SLC16A6: variants seen among roughly 807,000 people sequenced by gnomAD.
SLC16A6 encodes the protein monocarboxylate transporter 7.
Under a neutral mutation model 33.8 loss-of-function variants are expected in SLC16A6, and 15 were observed. The ratio of observed to expected loss-of-function variants is 0.44; its 90% confidence interval spans 0.30 to 0.68. The LOEUF is 0.68. Among genes scored for constraint, SLC16A6 ranks in the 30% least tolerant of loss-of-function variants. The pLI, the probability that SLC16A6 is intolerant of heterozygous loss-of-function variation, is 0.10. For synonymous variants in SLC16A6, 219 were observed against 248.4 expected (o/e 0.88, Z 1.11); for missense variants, 451 against 661.5 (o/e 0.68, Z 3.49).
At chr17:68,273,808 A>T in intron 3 of SLC16A6, 119 bp downstream of exon 3, 1 of 1,224,358 alleles carries the variant, frequency 8.2e-7, no homozygotes, top group Non-Finnish European at 1.1e-6. Flanking sequence ...AGACACTGTT[A>T]ATGTTAAAGA....
At chr17:68,274,622 A>G (rs1183241334) in intron 2 of SLC16A6, 1 of 152,160 alleles carries the variant, frequency 6.6e-6, no homozygotes, top group Non-Finnish European at 1.5e-5. Context: ...GATGACTCTG[A>G]CTCACCATGA....
In SLC16A6 at chr17:68,278,274, G is replaced by T; in HGVS notation, c.47C>A (p.Thr16Asn). 6.2e-7 allele frequency: 1 copy of T among 1,614,174 alleles called. No homozygotes were observed. The highest frequency in any genetic ancestry group is 2.2e-5 in the East Asian group (1 of 44,890). Residue 16 changes from threonine to asparagine, a missense_variant, in exon 2 of 6, where the codon ACT (threonine) becomes AAT (asparagine). By Grantham distance (65) the Thr-to-Asn change is moderately conservative (BLOSUM62 0). Around this residue, in one of 2 missense-constraint regions of SLC16A6, gnomAD observed 405 missense variants for 510.7 expected, o/e 0.79. Transcript: ENST00000580666. ...GCCCCATCCTCCATCAGGCACTTCA[G>T]TATACACATTGGCTTTGGAACAAAG... ...LKLCSKANVY[T>N]EVPDGGWGWA...
At chr17:68,279,409 C>T (rs540980769) in intron 1 of SLC16A6, among the ~76,000 whole-genome samples, 93 of 152,180 alleles carry the variant, frequency 6.1e-4, no homozygotes, top group African/African-American at 2.0e-3. Flanking sequence ...GACACAATGT[C>T]ACTATAAATC....
chr17:68,269,564 G>GTCCTAGCA (rs1230755906), intron 5 of SLC16A6, among the ~76,000 whole-genome samples: 3 of 144,794 alleles, frequency 2.1e-5, no homozygotes, highest in Admixed American at 7.1e-5. Flanking sequence ...GGCTAAGCCT[G>GTCCTAGCA]TCCTAGCAGA....
rs879951885 is a variant in SLC16A6 at position 68,273,210 on chromosome 17, AT to A, written c.377-444del. On this transcript the variant is annotated intron_variant, in intron 3 of 5. Transcript: ENST00000580666. ...ATGGCCTCCTTTTATTGTTCATTTC[AT>A]TTTTTTTTTTTTAAACAGACAGGGT... Among the ~76,000 whole-genome samples the A allele has an allele frequency of 9.5e-3, 1,366 of 143,852 alleles. 19 individuals carry two copies. Among genetic ancestry groups the A allele is most frequent in the African/African-American group, 0.029 (1,158 of 39,414 alleles). The allele number at this position is 143,852 out of a possible 152,430, so 94.4% of individuals were successfully genotyped here. A position where few individuals can be genotyped will look rare whatever the true frequency, so the allele number is the denominator to read the frequency against.
chr17:68,280,838 G>A (rs2075671242), intron 1 of SLC16A6, among the ~76,000 whole-genome samples: 1 of 152,158 alleles, frequency 6.6e-6, no homozygotes, highest in African/African-American at 2.4e-5. Flanking sequence ...CATATCAACA[G>A]AGTGAGGCCA....
At chr17:68,276,181 C>T (rs1484360253) in intron 2 of SLC16A6, among the ~76,000 whole-genome samples, 1 of 151,354 alleles carries the variant, frequency 6.6e-6, no homozygotes, top group Non-Finnish European at 1.5e-5. Context: ...GCAACCTCTG[C>T]CTCCCAGGAT....
chr17:68,289,165 G>A lies in SLC16A6; in HGVS notation c.-8+1921C>T, dbSNP rs186481845. ...GTTTGAGACCAACCCGGGCAACATAGTGAGGCTGTGTCTCTACAAAAAAAT... is the reference window on the plus strand; with the variant it reads ...GTTTGAGACCAACCCGGGCAACATAATGAGGCTGTGTCTCTACAAAAAAAT... On this transcript the variant is annotated intron_variant, in intron 1 of 5. Coordinates refer to ENST00000580666, the MANE Select transcript of SLC16A6 (RefSeq NM_004694.5). Among the ~76,000 whole-genome samples the A allele has an allele frequency of 9.6e-4, 146 of 152,258 alleles. 1 individual carries two copies. In the Middle Eastern group the frequency reaches 0.01, roughly 11 times the overall value.
intron 2 of SLC16A6, among the ~76,000 whole-genome samples, chr17:68,276,451 A>AT (rs1299364205): frequency 3.3e-5 from 5 of 150,676 alleles, no homozygotes; most frequent in East Asian, 2.0e-4. Flanking sequence ...AACTTTCTTT[A>AT]TTTTTTTTAT....
chr17:68,270,975 C>G lies in SLC16A6; in HGVS notation c.1185G>C (p.Met395Ile). ...TGTGAGTCCCTCCTATTGTTCCAACCATAAACCCAAAAAATATGCTGCATG... is the reference window on the plus strand; with the variant it reads ...TGTGAGTCCCTCCTATTGTTCCAACGATAAACCCAAAAAATATGCTGCATG... ...LMSCSIFFGF[M>I]VGTIGGTHIP... The change falls in exon 5 of 6, where the codon ATG (methionine) becomes ATC (isoleucine). Residue 395 changes from methionine to isoleucine, a missense_variant. Physicochemically the swap from Met to Ile is conservative, Grantham distance 10 (BLOSUM62 1). Transcript: ENST00000580666. 1.9e-6 allele frequency: 3 copies of G among 1,614,156 alleles called. No individual in the cohort carries two copies. The highest frequency in any genetic ancestry group is 2.5e-6 in the Non-Finnish European group (3 of 1,180,036).
At chr17:68,277,627 G>A (rs782140357) in intron 2 of SLC16A6, among the ~76,000 whole-genome samples, 7 of 152,024 alleles carry the variant, frequency 4.6e-5, no homozygotes, top group East Asian at 3.9e-4. Flanking sequence ...ATGGGGTTTC[G>A]CCATGTTGGC....
intron 1 of SLC16A6, among the ~76,000 whole-genome samples, chr17:68,284,103 CA>C (rs1189737736): frequency 0.021 from 1,170 of 56,528 alleles, 9 homozygotes; most frequent in African/African-American, 0.067. Context: ...GACTCTGTCT[CA>C]AAAAAAAAAA....
rs1482078778 is a variant in SLC16A6 at position 68,269,282 on chromosome 17, G to C, written c.1386C>G (p.Ala462=). The change falls in exon 6 of 6, where the codon GCC becomes GCG. Residue 462 remains alanine (A), a synonymous_variant. Transcript: ENST00000580666. ...CCAGGGCGAGGCACACAGCAGCCAG[G>C]GCCATGCCAGCTGCGCAGGAGTAGA... ...RAFYSCAAGM[A]LAAVCLALVR... The C allele has an allele frequency of 1.5e-6, 2 of 1,364,686 alleles. No homozygotes were observed. Among genetic ancestry groups the C allele is most frequent in the Admixed American group, 2.3e-5 (1 of 44,122 alleles). The allele number at this position is 1,364,686 out of a possible 1,614,324, so 84.5% of individuals were successfully genotyped here.
At position 68,272,723 on chromosome 17, in the gene SLC16A6, A is replaced by G; in HGVS notation, c.421T>C (p.Ser141Pro). The G allele has an allele frequency of 6.2e-7, 1 of 1,614,188 alleles. No homozygotes were observed. The highest frequency in any genetic ancestry group is 1.1e-5 in the South Asian group (1 of 91,080). The change falls in exon 4 of 6, where the codon TCA becomes CCA. Residue 141 changes from serine to proline, a missense_variant. Around this residue, in one of 2 missense-constraint regions of SLC16A6, gnomAD observed 405 missense variants for 510.7 expected, o/e 0.79. Transcript: ENST00000580666. ...FSFLPTVTIL[S>P]QYFGKRRSIV... Reference sequence around the variant, plus strand: ...GAACGTCTTTTGCCAAAATATTGTGATAGGATGGTTACAGTTGGGAGAAAA... The same window carrying G: ...GAACGTCTTTTGCCAAAATATTGTGGTAGGATGGTTACAGTTGGGAGAAAA...
chr17:68,280,324 A>G (rs140199128), intron 1 of SLC16A6, among the ~76,000 whole-genome samples: 4 of 152,354 alleles, frequency 2.6e-5, no homozygotes, highest in Non-Finnish European at 5.9e-5. Context: ...AAAGATCATG[A>G]ATAGCCAAAG....
chr17:68,274,970 G>A (rs1264588653), intron 2 of SLC16A6, among the ~76,000 whole-genome samples: 1 of 152,116 alleles, frequency 6.6e-6, no homozygotes, highest in South Asian at 2.1e-4. Context: ...AGTAGAGATG[G>A]GGTTTCTCCA....
intron 1 of SLC16A6, among the ~76,000 whole-genome samples, chr17:68,285,086 T>C (rs1325410167): frequency 6.6e-6 from 1 of 152,194 alleles, no homozygotes; most frequent in Non-Finnish European, 1.5e-5. Flanking sequence ...TTGCTGATGA[T>C]GATGCTAAGG....
chr17:68,289,305 T>A (rs2075913129), intron 1 of SLC16A6, among the ~76,000 whole-genome samples: 1 of 152,026 alleles, frequency 6.6e-6, no homozygotes, highest in African/African-American at 2.4e-5. Context: ...AACAAATAAA[T>A]AAGTAGGTAT....
intron 1 of SLC16A6, among the ~76,000 whole-genome samples, chr17:68,284,755 A>G (rs961378024): frequency 6.6e-6 from 1 of 152,204 alleles, no homozygotes; most frequent in African/African-American, 2.4e-5. Context: ...AGGACTATAT[A>G]TTCACTTTAT....
Sources: gnomAD v4.1 joint callset for allele counts (sites outside exome capture counted in the v4.1 genomes callset) on GRCh38, gnomAD v4.1.1 for gene constraint, gnomAD v4.1.1 regional missense constraint, MANE v1.5 for transcripts, NCBI Gene and HGNC (gene_info 2026-07-23, HGNC 2026-07-21) for gene names.